The following ITGAL variants were observed in gnomAD, a reference collection of about 807,000 sequenced individuals.
ITGAL encodes integrin subunit alpha L.
A neutral mutation model predicts 138.4 loss-of-function variants in ITGAL; 68 were observed. That is an observed-to-expected ratio of 0.49 (90% confidence interval 0.40 to 0.60). The LOEUF is 0.60. Ranked by LOEUF, ITGAL falls within the 20% of genes least tolerant of loss-of-function variation. ITGAL has a pLI of 0.00. For missense variants in ITGAL, 1,256 were observed against 1,478.6 expected, an observed-to-expected ratio of 0.85 and a Z score of 2.47; for synonymous variants, 561 against 584.3, an observed-to-expected ratio of 0.96 and a Z score of 0.57.
chr16:30,489,298 G>A lies in ITGAL; in HGVS notation c.1125G>A (p.Gly375=), dbSNP rs2050692137. 1 of 1,613,840 alleles carries A rather than the reference G, an allele frequency of 6.2e-7. No homozygotes were observed. The highest frequency in any genetic ancestry group is 8.5e-7 in the Non-Finnish European group (1 of 1,179,738). Residue 375 remains glycine (G), a synonymous_variant, in exon 11 of 31, where the codon GGG becomes GGA. Transcript: ENST00000356798. ...VGAVGAKDWA[G]GFLDLKADLQ... ...CAGTAGGAGCCAAGGACTGGGCTGGGGGCTTTCTTGACCTGAAGGCAGACC... is the reference window on the plus strand; with the variant it reads ...CAGTAGGAGCCAAGGACTGGGCTGGAGGCTTTCTTGACCTGAAGGCAGACC...
In ITGAL at chr16:30,518,713, G is replaced by A. The variant is rs1296457102; in HGVS notation, c.3222G>A (p.Leu1074=). The A allele has an allele frequency of 3.1e-6, 5 of 1,611,234 alleles. No homozygotes were observed. The highest frequency in any genetic ancestry group is 4.2e-6 in the Non-Finnish European group (5 of 1,177,556). The change falls in exon 29 of 31, where the codon CTG becomes CTA. Residue 1074 remains leucine (L), a synonymous_variant. Coordinates refer to ENST00000356798, the MANE Select transcript of ITGAL (RefSeq NM_002209.3). ...ACCTCTATGGCAGCAACGCCTCCCT[G>A]GCCCAGGTATCTCCACCTCCTTGGA... ...HFHLYGSNAS[L]AQVVMKVDVV...
In ITGAL at chr16:30,508,018, C is replaced by T. The variant is rs993028296; in HGVS notation, c.2508+1162C>T. Among the ~76,000 whole-genome samples, 6 of 151,796 alleles carry T rather than the reference C, an allele frequency of 4.0e-5. No homozygotes were observed. The East Asian group carries it at 7.8e-4, about 20-fold the overall frequency. On this transcript the variant is annotated intron_variant, in intron 21 of 30. Coordinates refer to ENST00000356798, the MANE Select transcript of ITGAL (RefSeq NM_002209.3). Reference sequence around the variant, plus strand: ...CCACCTCCCGGGTTCACGCCATTCTCCTGCCTCAGCCTCCCGAGTAGCCGG... The same window carrying T: ...CCACCTCCCGGGTTCACGCCATTCTTCTGCCTCAGCCTCCCGAGTAGCCGG...
chr16:30,500,475 T>C (rs1354044691), intron 17 of ITGAL, among the ~76,000 whole-genome samples: 1 of 152,114 alleles, frequency 6.6e-6, no homozygotes, highest in African/African-American at 2.4e-5. Context: ...TGCCTCAGCT[T>C]CCTGAGTAGC....
Position 30,511,245 on chromosome 16 carries a change from A to T in ITGAL, c.2786+109A>T, listed in dbSNP as rs1348265176. ...TCCTTCTGAACCTCCTTCCTTTCTT[A>T]GAGCCCCTTGGGGTAATTAGAACTG... On this transcript the variant is annotated intron_variant, in intron 24 of 30. Transcript: ENST00000356798. 3.6e-6 allele frequency: 3 copies of T among 843,684 alleles called. No individual in the cohort carries two copies. The African/African-American group carries it at 5.0e-5, about 14-fold the overall frequency. The allele number at this position is 843,684 out of a possible 1,614,324, so 52.3% of individuals were successfully genotyped here.
rs766187469 is a variant in ITGAL, at chr16:30,494,252, G to C, written c.1254G>C (p.Ser418=). The stretch of plus-strand genomic sequence containing the variant: ...GGCTGCCCTCCCGGCAAAAGACTTC[G>C]TTGCTGGCCTCGGGAGCCCCTCGAT... ...VTWLPSRQKT[S]LLASGAPRYQ... is the part of the protein sequence containing the mutation. Residue 418 remains serine, a synonymous_variant, in exon 12 of 31, where the codon TCG becomes TCC. Transcript: ENST00000356798. This position sits in a 1 kb window ranked among gnomAD's most constrained non-coding sequence, Gnocchi z 4.2. The C allele has an allele frequency of 6.2e-7, 1 of 1,612,492 alleles. No individual in the cohort carries two copies. Among genetic ancestry groups the C allele is most frequent in the Non-Finnish European group, 8.5e-7 (1 of 1,178,852 alleles).
chr16:30,478,015 TGAAG>T (rs2050496111), intron 4 of ITGAL, among the ~76,000 whole-genome samples: 1 of 143,478 alleles, frequency 7.0e-6, no homozygotes, highest in African/African-American at 2.6e-5. Context: ...AAAAGAAAGA[TGAAG>T]GAAGGAAGGA....
chr16:30,500,878 C>T (rs1468828976), intron 17 of ITGAL, among the ~76,000 whole-genome samples: 1 of 152,082 alleles, frequency 6.6e-6, no homozygotes, highest in Non-Finnish European at 1.5e-5. Context: ...TTGGCACATG[C>T]CTGTGATCCC....
At chr16:30,487,883 A>G (rs534539051) in intron 9 of ITGAL, among the ~76,000 whole-genome samples, 1 of 150,994 alleles carries the variant, frequency 6.6e-6, no homozygotes, top group South Asian at 2.1e-4. Context: ...ATGCCTAGCT[A>G]ATTTTTGTAC....
At chr16:30,478,046 G>C (rs1190946376) in intron 4 of ITGAL, among the ~76,000 whole-genome samples, 1 of 149,888 alleles carries the variant, frequency 6.7e-6, no homozygotes, top group Non-Finnish European at 1.5e-5. Context: ...AGGAAGGAAA[G>C]AAAGAAAAGG....
At chr16:30,521,086 A>AAAATAAAATAAAAT (rs2051245908) in intron 30 of ITGAL, among the ~76,000 whole-genome samples, 2 of 151,796 alleles carry the variant, frequency 1.3e-5, no homozygotes, top group Non-Finnish European at 2.9e-5. Flanking sequence ...CTCCATCTCA[A>AAAATAAAATAAAAT]AAATAAAATA....
At chr16:30,514,363 G>A (rs542153140) in intron 25 of ITGAL, among the ~76,000 whole-genome samples, 3 of 150,726 alleles carry the variant, frequency 2.0e-5, no homozygotes, top group South Asian at 2.1e-4. Flanking sequence ...TGCAACCTCC[G>A]CCTCCTGAGT....
At position 30,505,409 on chromosome 16, in the gene ITGAL, T is replaced by C; in HGVS notation, c.2313T>C (p.Cys771=). The change falls in exon 20 of 31, where the codon TGT becomes TGC. Residue 771 remains cysteine, a synonymous_variant. Coordinates refer to ENST00000356798, the MANE Select transcript of ITGAL (RefSeq NM_002209.3). ...TTCAGATCCCTTTTGAGAAGAACTG[T>C]GGGGAGGACAAGAAGTGTGAGGCAA... ...ETWEIPFEKN[C]GEDKKCEANL... is the part of the protein sequence containing the mutation. 2 of 1,614,088 alleles carry C rather than the reference T, an allele frequency of 1.2e-6. No homozygotes were observed. The highest frequency in any genetic ancestry group is 1.1e-5 in the South Asian group (1 of 91,082).
chr16:30,481,175 CACACACA>C (rs756187186), intron 6 of ITGAL: 2 of 393,472 alleles, frequency 5.1e-6, no homozygotes, highest in Non-Finnish European at 9.4e-6. Flanking sequence ...CACACACACA[CACACACA>C]CCACACACAC....
At chr16:30,499,607 T>G in intron 17 of ITGAL, 118 bp downstream of exon 17, 2 of 886,304 alleles carry the variant, frequency 2.3e-6, no homozygotes, top group Non-Finnish European at 3.5e-6. Context: ...CTTCCTCTCC[T>G]GTGCAATGGT....
Position 30,504,177 on chromosome 16 carries a change from A to G in ITGAL, c.2148A>G (p.Val716=). The change falls in exon 18 of 31, where the codon GTA becomes GTG. Residue 716 remains valine (V), a splice_region_variant and synonymous_variant. Transcript: ENST00000356798. The part of the protein sequence containing the change: ...SCTDFSFHFP[V]CVQDLISPIN... ...GGCTGTATTCTTATCACCCTCAGGT[A>G]TGTGTTCAAGACCTCATCTCCCCCA... 1 of 1,609,942 alleles carries G rather than the reference A, an allele frequency of 6.2e-7. No homozygotes were observed.
At position 30,517,096 on chromosome 16, in the gene ITGAL, G is replaced by C. The variant is rs1345718321; in HGVS notation, c.2976+10G>C. 1 of 1,553,860 alleles carries C rather than the reference G, an allele frequency of 6.4e-7. No homozygotes were observed. Among genetic ancestry groups the C allele is most frequent in the Admixed American group, 1.7e-5 (1 of 58,118 alleles). On this transcript the variant is annotated intron_variant, in intron 26 of 30. Transcript: ENST00000356798. ...GTGGAGCGTGCAGATGGTGAGTGCTGCCTGTAGAGGGAGGGTCTACCCTCC... is the reference window on the plus strand; with the variant it reads ...GTGGAGCGTGCAGATGGTGAGTGCTCCCTGTAGAGGGAGGGTCTACCCTCC...
Position 30,494,626 on chromosome 16 carries a change from G to A in ITGAL, c.1366-87G>A. 6.9e-7 allele frequency: 1 copy of A among 1,445,846 alleles called. No individual in the cohort carries two copies. Among genetic ancestry groups the A allele is most frequent in the Non-Finnish European group, 9.3e-7 (1 of 1,077,630 alleles). 89.6% of individuals were successfully genotyped at this position (1,445,846 alleles called of 1,614,324 possible). On this transcript the variant is annotated intron_variant, in intron 12 of 30. Transcript: ENST00000356798. This position sits in a 1 kb window ranked among gnomAD's most constrained non-coding sequence, Gnocchi z 4.2. ...ATTGGAACCTGCATTTGAGGGAGTG[G>A]CACAAGATGAACACGGTACAGGTAT... is the stretch of plus-strand genomic sequence containing the variant.
chr16:30,496,152 G>T lies in ITGAL; in HGVS notation c.1559G>T (p.Arg520Leu). The change falls in exon 14 of 31, where the codon CGG (arginine) becomes CTG (leucine). Residue 520 changes from arginine (R) to leucine (L), a missense_variant. Transcript: ENST00000356798. ...LQGDPGYPLG[R>L]FGEAITALTD... Reference sequence around the variant, plus strand: ...GGGGACCCCGGCTACCCACTCGGGCGGTTTGGAGAAGCCATCACTGCTCTG... The same window carrying T: ...GGGGACCCCGGCTACCCACTCGGGCTGTTTGGAGAAGCCATCACTGCTCTG... 2 of 1,614,106 alleles carry T rather than the reference G, an allele frequency of 1.2e-6. No individual in the cohort carries two copies. The highest frequency in any genetic ancestry group is 1.7e-6 in the Non-Finnish European group (2 of 1,180,018).
chr16:30,494,427 T>C lies in ITGAL; in HGVS notation c.1365+64T>C, dbSNP rs1164926775. 6.7e-7 allele frequency: 1 copy of C among 1,498,898 alleles called. No homozygotes were observed. The highest frequency in any genetic ancestry group is 9.0e-7 in the Non-Finnish European group (1 of 1,109,952). 92.8% of individuals were successfully genotyped at this position (1,498,898 alleles called of 1,614,324 possible). ...GCGGGACACACATCACACTCCCTTC[T>C]GTCCTTTGAATGCTCATCCACTTAC... is the stretch of plus-strand genomic sequence containing the variant. On this transcript the variant is annotated intron_variant, in intron 12 of 30. Coordinates refer to ENST00000356798, the MANE Select transcript of ITGAL (RefSeq NM_002209.3). This position sits in a 1 kb window ranked among gnomAD's most constrained non-coding sequence, Gnocchi z 4.2.
Sources: gnomAD v4.1 joint callset for allele counts (sites outside exome capture counted in the v4.1 genomes callset) on GRCh38, gnomAD v4.1.1 for gene constraint, Gnocchi (gnomAD v3.1) non-coding constraint, MANE v1.5 for transcripts, NCBI Gene and HGNC (gene_info 2026-07-23, HGNC 2026-07-21) for gene names.